CDH13: variants seen among roughly 807,000 people sequenced by gnomAD.
CDH13 encodes the protein cadherin-13.
Under a neutral mutation model 63.8 loss-of-function variants are expected in CDH13, and 24 were observed. That is an observed-to-expected ratio of 0.38 (90% CI 0.27 to 0.53). The LOEUF is 0.53. Ranked by LOEUF, CDH13 falls within the 20% of genes least tolerant of loss-of-function variation. The pLI is 0.85. For synonymous variants in CDH13, 503 were observed against 355.3 expected, an observed-to-expected ratio of 1.42 and a Z score of -4.67; for missense variants, 1,049 against 903.1, an observed-to-expected ratio of 1.16 and a Z score of -2.07.
intron 4 of CDH13, among the ~76,000 whole-genome samples, chr16:83,128,669 G>T (rs887144031): frequency 1.3e-5 from 2 of 152,092 alleles, no homozygotes; most frequent in African/African-American, 2.4e-5. Context: ...TTTCCTCCGG[G>T]GTATATTTGG....
At chr16:82,922,795 C>G (rs189570806) in intron 2 of CDH13, among the ~76,000 whole-genome samples, 65 of 152,280 alleles carry the variant, frequency 4.3e-4, no homozygotes, top group Non-Finnish European at 7.2e-4. Context: ...ACTAGCTAGT[C>G]TGTGCCACAC....
chr16:82,827,582 G>C (rs2038314484), intron 1 of CDH13, among the ~76,000 whole-genome samples: 1 of 152,124 alleles, frequency 6.6e-6, no homozygotes, highest in African/African-American at 2.4e-5. Flanking sequence ...TGTAGACAAA[G>C]CTAGGCTAAC....
At chr16:82,882,426 C>T (rs2040737419) in intron 2 of CDH13, among the ~76,000 whole-genome samples, 1 of 152,162 alleles carries the variant, frequency 6.6e-6, no homozygotes, top group Non-Finnish European at 1.5e-5. Flanking sequence ...CAATGACCAC[C>T]AGCATTGCAA....
At chr16:83,709,558 T>C (rs957101845) in intron 10 of CDH13, among the ~76,000 whole-genome samples, 1 of 152,248 alleles carries the variant, frequency 6.6e-6, no homozygotes, top group East Asian at 1.9e-4. Flanking sequence ...ATGGGCTTTA[T>C]ACATAGCAAA....
intron 10 of CDH13, among the ~76,000 whole-genome samples, chr16:83,729,969 G>A (rs1011672383): frequency 2.0e-5 from 3 of 152,210 alleles, no homozygotes; most frequent in Non-Finnish European, 2.9e-5. Context: ...CCGTGCTTGT[G>A]AGAAGGGGGC....
intron 10 of CDH13, among the ~76,000 whole-genome samples, chr16:83,689,212 C>G (rs747585970): frequency 6.6e-6 from 1 of 152,026 alleles, no homozygotes; most frequent in African/African-American, 2.4e-5. Flanking sequence ...ATCCTCAGAA[C>G]CAATATAGAA....
At chr16:83,429,049 C>T (rs2072006709) in intron 6 of CDH13, among the ~76,000 whole-genome samples, 1 of 152,176 alleles carries the variant, frequency 6.6e-6, no homozygotes, top group African/African-American at 2.4e-5. Context: ...AGACAGTTAC[C>T]AAAGGAAGAA....
chr16:83,191,526 C>CATATATATATATATAT (rs763006044), intron 4 of CDH13, among the ~76,000 whole-genome samples: 4 of 101,702 alleles, frequency 3.9e-5, no homozygotes, highest in East Asian at 3.1e-4. Context: ...CACACACACA[C>CATATATATATATATAT]ACACATATAT....
chr16:82,960,789 T>C (rs1423186211), intron 2 of CDH13, among the ~76,000 whole-genome samples: 1 of 152,188 alleles, frequency 6.6e-6, no homozygotes, highest in African/African-American at 2.4e-5. Context: ...TTCATTTGTC[T>C]GTAGCAAGGT....
At chr16:83,241,400 C>A (rs368707298) in intron 5 of CDH13, among the ~76,000 whole-genome samples, 147 of 152,258 alleles carry the variant, frequency 9.7e-4, no homozygotes, top group African/African-American at 3.3e-3. Context: ...TTTTGAGAAA[C>A]CTCCATGTTG....
At chr16:83,017,842 C>T (rs989226205) in intron 2 of CDH13, among the ~76,000 whole-genome samples, 4 of 152,164 alleles carry the variant, frequency 2.6e-5, no homozygotes, top group Non-Finnish European at 4.4e-5. Flanking sequence ...GCAGAACTAA[C>T]ATAAATGATG....
intron 6 of CDH13, among the ~76,000 whole-genome samples, chr16:83,419,604 G>A (rs1257896488): frequency 2.0e-5 from 3 of 152,160 alleles, no homozygotes; most frequent in Non-Finnish European, 4.4e-5. Context: ...CTAGACCATG[G>A]CTGTAGCATA....
intron 10 of CDH13, among the ~76,000 whole-genome samples, chr16:83,706,659 C>T (rs1284286979): frequency 6.6e-6 from 1 of 152,130 alleles, no homozygotes; most frequent in Non-Finnish European, 1.5e-5. Flanking sequence ...GGAAACCAAA[C>T]CTTATGAAGA....
At chr16:82,880,026 A>G (rs960284329) in intron 2 of CDH13, among the ~76,000 whole-genome samples, 8 of 148,352 alleles carry the variant, frequency 5.4e-5, no homozygotes, top group Middle Eastern at 3.6e-3. Context: ...TAGATCATAT[A>G]TAATCATATA....
chr16:83,479,656 C>CT (rs1487466892), intron 6 of CDH13, among the ~76,000 whole-genome samples: 3 of 3,768 alleles, frequency 8.0e-4, no homozygotes, highest in African/African-American at 2.9e-3. Flanking sequence ...GACTCCGTCT[C>CT]CAAAAAAAAA....
intron 7 of CDH13, among the ~76,000 whole-genome samples, chr16:83,506,247 T>G (rs374090578): frequency 1.7e-4 from 26 of 152,174 alleles, no homozygotes; most frequent in African/African-American, 6.3e-4. Context: ...AGCTCCTCTG[T>G]ATCCTCTCAA....
intron 2 of CDH13, among the ~76,000 whole-genome samples, chr16:82,984,569 A>G (rs1025197778): frequency 2.4e-4 from 37 of 152,190 alleles, no homozygotes; most frequent in African/African-American, 8.7e-4. Context: ...TTCATTTTCA[A>G]CTTGCTCTGT....
At chr16:83,130,618 A>G (rs1282670170) in intron 4 of CDH13, among the ~76,000 whole-genome samples, 7 of 152,222 alleles carry the variant, frequency 4.6e-5, no homozygotes, top group Non-Finnish European at 1.0e-4. Context: ...TTGCTGTACA[A>G]TTCTTTCGAG....
intron 1 of CDH13, chr16:82,637,596 A>AG (rs1908828425): frequency 9.3e-6 from 1 of 106,992 alleles, no homozygotes; most frequent in South Asian, 3.5e-4. Flanking sequence ...GCGCCCGGCT[A>AG]ATTTTTTTTT....
Sources: gnomAD v4.1 joint callset for allele counts (sites outside exome capture counted in the v4.1 genomes callset) on GRCh38, gnomAD v4.1.1 for gene constraint, MANE v1.5 for transcripts, NCBI Gene and HGNC (gene_info 2026-07-23, HGNC 2026-07-21) for gene names.